The following CEP250 variants were observed in gnomAD, a reference collection of about 807,000 sequenced individuals.
The protein encoded by CEP250 is centrosomal protein 250.
CEP250 carries 242 observed loss-of-function variants against 315.7 expected under a neutral mutation model. The ratio of observed to expected loss-of-function variants is 0.77; its 90% CI spans 0.69 to 0.85. CEP250 has a LOEUF of 0.85. Among genes scored for constraint, CEP250 ranks in the 40% least tolerant of loss-of-function variants. The pLI is 0.00. For synonymous variants in CEP250, 1,088 were observed against 1,175.0 expected, an observed-to-expected ratio of 0.93 and a Z score of 1.51; for missense variants, 2,515 against 2,886.4, an observed-to-expected ratio of 0.87 and a Z score of 2.95.
chr20:35,504,219 G>A lies in CEP250; in HGVS notation c.5850G>A (p.Gln1950=), dbSNP rs368373743. The part of the protein sequence containing the change: ...QELEALRAES[Q]SSRHQEEAAR... The stretch of plus-strand genomic sequence containing the variant: ...TGGAAGCTCTGCGGGCAGAAAGTCA[G>A]TCCTCCCGGCATCAGGAGGAGGCTG... The change falls in exon 30 of 35, where the codon CAG becomes CAA. Residue 1950 remains glutamine, a synonymous_variant. Transcript: ENST00000397527. The A allele has an allele frequency of 1.9e-5, 31 of 1,610,300 alleles. No individual in the cohort carries two copies. In the African/African-American group the frequency reaches 3.6e-4, roughly 19 times the overall value.
At position 35,476,615 on chromosome 20, in the gene CEP250, GT is replaced by G; in HGVS notation, c.1863+21del. On this transcript the variant is annotated intron_variant, in intron 16 of 34. Transcript: ENST00000397527. Reference sequence around the variant, plus strand: ...CTCCAGGTGAGCAAAGATTTTCCTGGTCCCCACAGAAGGGCTGGGCCCTAAC... The same window carrying G: ...CTCCAGGTGAGCAAAGATTTTCCTGGCCCCACAGAAGGGCTGGGCCCTAAC... 6.2e-7 allele frequency: 1 copy of G among 1,608,094 alleles called. No individual in the cohort carries two copies. Among genetic ancestry groups the G allele is most frequent in the Middle Eastern group, 1.7e-4 (1 of 6,030 alleles).
In CEP250 at chr20:35,512,461, G is replaced by A. The variant is rs896833954; in HGVS notation, c.*835G>A. ...AAAGTCAGAGTCTCTGAGTTCAGAA[G>A]CTCCACATGGCCTCATTCCTCTTCT... On this transcript the variant is annotated 3_prime_UTR_variant, in exon 35 of 35. Transcript: ENST00000397527. 3 of 152,342 alleles carry A rather than the reference G, an allele frequency of 2.0e-5. No individual in the cohort carries two copies. The highest frequency in any genetic ancestry group is 2.1e-4 in the South Asian group (1 of 4,834). The allele number at this position is 152,342 out of a possible 1,614,324, so 9.4% of individuals were successfully genotyped here.
In CEP250 at chr20:35,509,991, T is replaced by G; in HGVS notation, c.7009-7T>G. The G allele has an allele frequency of 1.2e-6, 2 of 1,613,972 alleles. No homozygotes were observed. On this transcript the variant is annotated splice_region_variant and splice_polypyrimidine_tract_variant and intron_variant, in intron 33 of 34. Transcript: ENST00000397527. ...ATGCCAACAAGAGTGCTGTTTGTCT[T>G]CCTTAGGATGGGAGAGGACAGAAGA...
intron 8 of CEP250, 112 bp downstream of exon 8, chr20:35,467,184 T>C: frequency 7.7e-7 from 1 of 1,305,530 alleles, no homozygotes; most frequent in Non-Finnish European, 1.1e-6. Flanking sequence ...GTGGGGGAGT[T>C]GGTAGTATTG....
Position 35,467,537 on chromosome 20 carries a change from A to C in CEP250, c.833A>C (p.Lys278Thr). Reference sequence around the variant, plus strand: ...CTGAAGAGTCAAGGGGATCTGGAGAAGGCTGAACTTCAGGACCGGTGAGAT... The same window carrying C: ...CTGAAGAGTCAAGGGGATCTGGAGACGGCTGAACTTCAGGACCGGTGAGAT... ...IQLKSQGDLEKAELQDRVTEL... is the reference protein window; with the variant it reads ...IQLKSQGDLETAELQDRVTEL... Residue 278 changes from lysine to threonine, a missense_variant, in exon 9 of 35, where the codon AAG becomes ACG. Coordinates refer to ENST00000397527, the MANE Select transcript of CEP250 (RefSeq NM_007186.6). 6.2e-7 allele frequency: 1 copy of C among 1,613,924 alleles called. No homozygotes were observed. Among genetic ancestry groups the C allele is most frequent in the Non-Finnish European group, 8.5e-7 (1 of 1,180,010 alleles).
At position 35,479,311 on chromosome 20, in the gene CEP250, C is replaced by T. The variant is rs2063270177; in HGVS notation, c.2175C>T (p.Ala725=). ...QEAKRQEEVL[A]RAVQEKEALV... is the part of the protein sequence containing the mutation. Reference sequence around the variant, plus strand: ...CAAAGCGACAGGAAGAAGTGCTTGCCAGGGCAGTCCAGGAGAAGGAGGCCC... The same window carrying T: ...CAAAGCGACAGGAAGAAGTGCTTGCTAGGGCAGTCCAGGAGAAGGAGGCCC... Residue 725 remains alanine (A), a synonymous_variant, in exon 18 of 35, where the codon GCC becomes GCT. Transcript: ENST00000397527. 6.2e-7 allele frequency: 1 copy of T among 1,614,054 alleles called. No individual in the cohort carries two copies. Among genetic ancestry groups the T allele is most frequent in the African/African-American group, 1.3e-5 (1 of 74,914 alleles).
At chr20:35,485,554 A>G (rs1422796574) in intron 20 of CEP250, among the ~76,000 whole-genome samples, 1 of 149,488 alleles carries the variant, frequency 6.7e-6, no homozygotes, top group African/African-American at 2.5e-5. Context: ...ATAGTGGCAC[A>G]ATCATAGCTC....
chr20:35,486,010 T>C (rs2063502643), intron 20 of CEP250, among the ~76,000 whole-genome samples: 1 of 150,838 alleles, frequency 6.6e-6, no homozygotes, highest in South Asian at 2.1e-4. Context: ...TACATTTGCA[T>C]TGGGTGAAAG....
chr20:35,457,941 G>A (rs534059526), intron 1 of CEP250, among the ~76,000 whole-genome samples: 1 of 152,310 alleles, frequency 6.6e-6, no homozygotes, highest in East Asian at 1.9e-4. Flanking sequence ...AGAGGCCAGA[G>A]GTTGGAAGAG....
At position 35,503,532 on chromosome 20, in the gene CEP250, C is replaced by T. The variant is rs768809878; in HGVS notation, c.5163C>T (p.Arg1721=). 28 of 1,613,874 alleles carry T rather than the reference C, an allele frequency of 1.7e-5. No homozygotes were observed. Among genetic ancestry groups the T allele is most frequent in the South Asian group, 8.8e-5 (8 of 91,082 alleles). The change falls in exon 30 of 35, where the codon CGC becomes CGT. Residue 1721 remains arginine, a synonymous_variant. Coordinates refer to ENST00000397527, the MANE Select transcript of CEP250 (RefSeq NM_007186.6). This position sits in a 1 kb window ranked among gnomAD's most constrained non-coding sequence, Gnocchi z 4.2. ...EEGKGPSKAQ[R]GSLEHMKLIL... is the part of the protein sequence containing the mutation. ...GGAAGGGCCCAAGTAAAGCACAGCG[C>T]GGGAGCCTAGAGCACATGAAGCTGA...
rs778998893 is a variant in CEP250 at position 35,503,858 on chromosome 20, A to G, written c.5489A>G (p.Gln1830Arg). 3 of 1,613,986 alleles carry G rather than the reference A, an allele frequency of 1.9e-6. No individual in the cohort carries two copies. In the South Asian group the frequency reaches 3.3e-5, roughly 18 times the overall value. The change falls in exon 30 of 35, where the codon CAG becomes CGG. Residue 1830 changes from glutamine to arginine, a missense_variant. Physicochemically the swap from Gln to Arg is conservative, Grantham distance 43 (BLOSUM62 1). Coordinates refer to ENST00000397527, the MANE Select transcript of CEP250 (RefSeq NM_007186.6). The surrounding 1 kb of genome is among the most constrained non-coding windows in gnomAD (Gnocchi z 4.2). ...CTGCAGCAAGAACAGCAGCAGGCCC[A>G]GGGACAGGAGGAGAGGGTGAAGGAA... Reference protein sequence around the residue: ...EALQQEQQQAQGQEERVKEKA... With the variant: ...EALQQEQQQARGQEERVKEKA...
At chr20:35,492,542 A>T (rs2063726558) in intron 22 of CEP250, among the ~76,000 whole-genome samples, 1 of 152,184 alleles carries the variant, frequency 6.6e-6, no homozygotes. Context: ...TAGGCAGAGG[A>T]AACACCTGTC....
chr20:35,493,115 C>T (rs2063743195), intron 22 of CEP250, among the ~76,000 whole-genome samples: 1 of 151,930 alleles, frequency 6.6e-6, no homozygotes, highest in Admixed American at 6.6e-5. Flanking sequence ...TATATGTATT[C>T]TCTACTCTCC....
chr20:35,460,969 G>A lies in CEP250; in HGVS notation c.-104+864G>A, dbSNP rs143604365. Among the ~76,000 whole-genome samples, 212 of 152,308 alleles carry A rather than the reference G, an allele frequency of 1.4e-3. 1 individual carries two copies. The highest frequency in any genetic ancestry group is 4.9e-3 in the African/African-American group (202 of 41,564). ...ATGATAAGATGTAGAGTAGACATCA[G>A]AACATATGTATTCTCTCTGTGTATA... is the stretch of plus-strand genomic sequence containing the variant. On this transcript the variant is annotated intron_variant, in intron 3 of 34. Transcript: ENST00000397527.
intron 20 of CEP250, among the ~76,000 whole-genome samples, chr20:35,485,911 C>T (rs1276160071): frequency 4.0e-5 from 6 of 150,178 alleles, no homozygotes; most frequent in Non-Finnish European, 7.4e-5. Context: ...ATCTGCCCAC[C>T]TTGGCCTCCC....
intron 5 of CEP250, among the ~76,000 whole-genome samples, chr20:35,465,223 C>A (rs2062844735): frequency 6.6e-6 from 1 of 152,144 alleles, no homozygotes; most frequent in Non-Finnish European, 1.5e-5. Flanking sequence ...AATTCAAGAA[C>A]AGCCTGGCCA....
At position 35,511,578 on chromosome 20, in the gene CEP250, A is replaced by T. The variant is rs1195084805; in HGVS notation, c.7281A>T (p.Pro2427=). ...SLTQSLTSPG[P]VLLHPSPSTT... ...CTCAAAGTCTGACATCCCCAGGGCC[A>T]GTCCTGCTACACCCCAGCCCCAGCA... Residue 2427 remains proline (P), a synonymous_variant, in exon 35 of 35, where the codon CCA becomes CCT. Transcript: ENST00000397527. The T allele has an allele frequency of 1.2e-6, 2 of 1,613,646 alleles. No individual in the cohort carries two copies. The highest frequency in any genetic ancestry group is 2.2e-5 in the South Asian group (2 of 91,056).
Position 35,476,055 on chromosome 20 carries a change from TC to T in CEP250, c.1717-393del, listed in dbSNP as rs567167177. 16 of 221,998 alleles carry T rather than the reference TC, an allele frequency of 7.2e-5. No individual in the cohort carries two copies. In the East Asian group the frequency reaches 1.7e-3, roughly 24 times the overall value. The allele number at this position is 221,998 out of a possible 1,614,324, so 13.8% of individuals were successfully genotyped here. A position where few individuals can be genotyped will look rare whatever the true frequency, so the allele number is the denominator to read the frequency against. Reference sequence around the variant, plus strand: ...AATACTCTGCGTGTACTTTTCCCTTTCTCTGCACTACTTCTTTCCTCTTCCT... The same window carrying T: ...AATACTCTGCGTGTACTTTTCCCTTTTCTGCACTACTTCTTTCCTCTTCCT... On this transcript the variant is annotated intron_variant, in intron 15 of 34. Transcript: ENST00000397527.
At position 35,472,163 on chromosome 20, in the gene CEP250, C is replaced by T. The variant is rs1352667043; in HGVS notation, c.1050+12C>T. The T allele has an allele frequency of 6.6e-7, 1 of 1,526,594 alleles. No homozygotes were observed. The highest frequency in any genetic ancestry group is 1.4e-5 in the African/African-American group (1 of 73,186). The allele number at this position is 1,526,594 out of a possible 1,614,324, so 94.6% of individuals were successfully genotyped here. A position where few individuals can be genotyped will look rare whatever the true frequency, so the allele number is the denominator to read the frequency against. On this transcript the variant is annotated intron_variant, in intron 11 of 34. Coordinates refer to ENST00000397527, the MANE Select transcript of CEP250 (RefSeq NM_007186.6). ...AGGATATAACCCAGGTACTGGGAAG[C>T]CTCCTGTTCATGGTAACCAGGTTAT...
Sources: gnomAD v4.1 joint callset for allele counts (sites outside exome capture counted in the v4.1 genomes callset) on GRCh38, gnomAD v4.1.1 for gene constraint, Gnocchi (gnomAD v3.1) non-coding constraint, MANE v1.5 for transcripts, NCBI Gene and HGNC (gene_info 2026-07-23, HGNC 2026-07-21) for gene names.